Variants in IGF2BP1 observed in about 807,000 individuals in gnomAD.
IGF2BP1 encodes the protein insulin-like growth factor 2 mRNA-binding protein 1.
IGF2BP1 carries 11 observed loss-of-function variants against 74.9 expected under a neutral mutation model. The observed-to-expected ratio is 0.15, with a 90% confidence interval of 0.09 to 0.24. The LOEUF is 0.24. Ranked by LOEUF, IGF2BP1 falls within the 10% of genes least tolerant of loss-of-function variation. The pLI is 1.00. For missense variants in IGF2BP1, 440 were observed against 757.4 expected, an observed-to-expected ratio of 0.58 and a Z score of 4.92; for synonymous variants, 287 against 281.8, an observed-to-expected ratio of 1.02 and a Z score of -0.18.
In IGF2BP1 at chr17:49,026,691, TCCTGCCTTCCTGCCTTCCTGCCTTCCTG is replaced by T. The variant is rs1567819004; in HGVS notation, c.337+198_337+225del. ...TGCCTTCCTTCCTGCCTTCCTGCCTTCCTGCCTTCCTGCCTTCCTGCCTTCCTGCCTGCCTTCCTGCCTTCCTGCCTGC... is the reference window on the plus strand; with the variant it reads ...TGCCTTCCTTCCTGCCTTCCTGCCTTCCTGCCTTCCTGCCTTCCTGCCTGC... On this transcript the variant is annotated intron_variant, in intron 4 of 14. Coordinates refer to ENST00000290341, the MANE Select transcript of IGF2BP1 (RefSeq NM_006546.4). Among the ~76,000 whole-genome samples the T allele has an allele frequency of 2.5e-3, 359 of 144,976 alleles. 4 individuals are homozygous for T. The highest frequency in any genetic ancestry group is 7.9e-3 in the African/African-American group (311 of 39,608).
At chr17:49,019,262 C>T (rs1479207939) in intron 2 of IGF2BP1, among the ~76,000 whole-genome samples, 1 of 152,134 alleles carries the variant, frequency 6.6e-6, no homozygotes, top group Non-Finnish European at 1.5e-5. Flanking sequence ...CTTTCTGAGA[C>T]CATCTCATCT....
rs377013730 is a variant in IGF2BP1, at chr17:49,038,330, A to G, written c.564A>G (p.Pro188=). 2.5e-6 allele frequency: 4 copies of G among 1,606,564 alleles called. No homozygotes were observed. The South Asian group carries it at 3.4e-5, about 14-fold the overall frequency. Reference sequence around the variant, plus strand: ...GCTCACCTGTGGCAGCGGGGGCCCCAGCCAAGCAGCAGCAAGTGGACATCC... The same window carrying G: ...GCTCACCTGTGGCAGCGGGGGCCCCGGCCAAGCAGCAGCAAGTGGACATCC... ...RQGSPVAAGA[P]AKQQQVDIPL... The change falls in exon 6 of 15, where the codon CCA becomes CCG. Residue 188 remains proline (P), a synonymous_variant. Coordinates refer to ENST00000290341, the MANE Select transcript of IGF2BP1 (RefSeq NM_006546.4).
At position 49,046,325 on chromosome 17, in the gene IGF2BP1, G is replaced by C; in HGVS notation, c.1593G>C (p.Glu531Asp). ...VVVPRDQTPDENDQVIVKIIG... is the reference protein window; with the variant it reads ...VVVPRDQTPDDNDQVIVKIIG... Reference sequence around the variant, plus strand: ...TACCAAGAGACCAGACCCCTGATGAGAACGACCAGGTCATCGTGAAAATCA... The same window carrying C: ...TACCAAGAGACCAGACCCCTGATGACAACGACCAGGTCATCGTGAAAATCA... Residue 531 changes from glutamate (E) to aspartate (D), a missense_variant, in exon 14 of 15, where the codon GAG becomes GAC. Physicochemically the swap from Glu to Asp is conservative, Grantham distance 45. Around this residue, in one of 5 missense-constraint regions of IGF2BP1, gnomAD observed 117 missense variants for 237.2 expected, o/e 0.49. Transcript: ENST00000290341. 1 of 1,614,032 alleles carries C rather than the reference G, an allele frequency of 6.2e-7. No individual in the cohort carries two copies. Among genetic ancestry groups the C allele is most frequent in the Non-Finnish European group, 8.5e-7 (1 of 1,179,972 alleles).
intron 2 of IGF2BP1, among the ~76,000 whole-genome samples, chr17:49,016,797 G>GCCCGCCCCCCTGTCCTCCTGCCCC (rs2041710027): frequency 5.0e-5 from 1 of 19,856 alleles, no homozygotes; most frequent in Non-Finnish European, 1.2e-4. Context: ...CAGCCCGCCC[G>GCCCGCCCCCCTGTCCTCCTGCCCC]CCCGCCCCCC....
chr17:49,036,248 C>T (rs1247013709), intron 5 of IGF2BP1: 2 of 152,162 alleles, frequency 1.3e-5, no homozygotes, highest in Non-Finnish European at 2.9e-5. Flanking sequence ...CTGGCGGACC[C>T]CATTGGGTTG....
chr17:49,005,401 A>G (rs191494965), intron 2 of IGF2BP1, among the ~76,000 whole-genome samples: 10 of 152,364 alleles, frequency 6.6e-5, no homozygotes, highest in Admixed American at 1.3e-4. Context: ...TGACTGAAAT[A>G]GAGAGCAAAC....
chr17:49,032,584 G>C (rs1342502652), intron 5 of IGF2BP1, among the ~76,000 whole-genome samples: 1 of 152,132 alleles, frequency 6.6e-6, no homozygotes, highest in African/African-American at 2.4e-5. Flanking sequence ...ATCCGAGCCC[G>C]TTATAGGCTT....
chr17:49,019,929 TATATATATA>T, intron 2 of IGF2BP1, among the ~76,000 whole-genome samples: 3 of 62,860 alleles, frequency 4.8e-5, no homozygotes, highest in South Asian at 8.2e-4. Context: ...TATATATATA[TATATATATA>T]TATATATATA....
At chr17:49,000,257 GTC>G (rs2041471642) in intron 2 of IGF2BP1, among the ~76,000 whole-genome samples, 1 of 152,156 alleles carries the variant, frequency 6.6e-6, no homozygotes, top group Non-Finnish European at 1.5e-5. Context: ...TTTCAGGATA[GTC>G]TCTGGCCTTT....
chr17:49,019,950 T>TATATATATATATA (rs1567815917), intron 2 of IGF2BP1, among the ~76,000 whole-genome samples: 2 of 24,182 alleles, frequency 8.3e-5, no homozygotes, highest in Non-Finnish European at 1.5e-4. Flanking sequence ...ATATATATAT[T>TATATATATATATA]TATATACACA....
chr17:49,015,239 C>T (rs2041682292), intron 2 of IGF2BP1, among the ~76,000 whole-genome samples: 1 of 152,188 alleles, frequency 6.6e-6, no homozygotes, highest in South Asian at 2.1e-4. Flanking sequence ...TCCCAAAGTG[C>T]TGGGATTATA....
At chr17:49,019,938 A>ATATATATATATATATATATATATT (rs1555597792) in intron 2 of IGF2BP1, among the ~76,000 whole-genome samples, 1 of 57,370 alleles carries the variant, frequency 1.7e-5, no homozygotes, top group African/African-American at 8.4e-5. Flanking sequence ...ATATATATAT[A>ATATATATATATATATATATATATT]TATATATATA....
chr17:48,999,645 A>G (rs985874217), intron 2 of IGF2BP1, among the ~76,000 whole-genome samples: 2 of 151,910 alleles, frequency 1.3e-5, no homozygotes, highest in Non-Finnish European at 2.9e-5. Context: ...CCCGGCCCCC[A>G]AAGAATCCCC....
intron 2 of IGF2BP1, among the ~76,000 whole-genome samples, chr17:49,022,944 C>T (rs1435832291): frequency 1.3e-5 from 2 of 152,250 alleles, no homozygotes; most frequent in Admixed American, 6.5e-5. Flanking sequence ...AGAAGTGTTC[C>T]CTTGAGGGAG....
At chr17:49,034,204 G>C (rs944620282) in intron 5 of IGF2BP1, among the ~76,000 whole-genome samples, 4 of 150,368 alleles carry the variant, frequency 2.7e-5, no homozygotes, top group Non-Finnish European at 5.9e-5. Context: ...CCACCTCCCG[G>C]GTTCAAGTGG....
intron 7 of IGF2BP1, among the ~76,000 whole-genome samples, 184 bp downstream of exon 7, chr17:49,040,275 G>C (rs959753152): frequency 6.6e-6 from 1 of 152,226 alleles, no homozygotes; most frequent in Admixed American, 6.5e-5. Flanking sequence ...GAGTACAGTG[G>C]CATGATCTCA....
At position 49,007,477 on chromosome 17, in the gene IGF2BP1, C is replaced by T. The variant is rs185632394; in HGVS notation, c.236+8308C>T. Among the ~76,000 whole-genome samples the T allele has an allele frequency of 8.9e-4, 136 of 152,350 alleles. 3 individuals are homozygous for T. Among genetic ancestry groups the T allele is most frequent in the South Asian group, 2.5e-3 (12 of 4,832 alleles). On this transcript the variant is annotated intron_variant, in intron 2 of 14. Coordinates refer to ENST00000290341, the MANE Select transcript of IGF2BP1 (RefSeq NM_006546.4). ...CATACACACACGTCCATAGCCCCAG[C>T]CCTCGGAATAAGGGTTGAACCTTCT...
intron 2 of IGF2BP1, among the ~76,000 whole-genome samples, chr17:49,008,279 T>G (rs2041575024): frequency 6.6e-6 from 1 of 152,128 alleles, no homozygotes; most frequent in African/African-American, 2.4e-5. Flanking sequence ...GGACTAGATG[T>G]ACTAGGATGT....
intron 2 of IGF2BP1, 89 bp from the exon 3 acceptor site, chr17:49,025,529 G>A (rs565953173): frequency 8.9e-7 from 1 of 1,122,796 alleles, no homozygotes; most frequent in Non-Finnish European, 1.3e-6. Flanking sequence ...TGGGGAAATA[G>A]AAACTGGGGC....
Sources: allele counts gnomAD v4.1 joint callset (sites outside exome capture counted in the v4.1 genomes callset), GRCh38; gene constraint gnomAD v4.1.1; regional missense constraint gnomAD v4.1.1; transcripts MANE v1.5; gene names NCBI Gene and HGNC (gene_info 2026-07-23, HGNC 2026-07-21).